NEDD4: variants seen among roughly 807,000 people sequenced by gnomAD.
NEDD4 encodes the protein NEDD4 E3 ubiquitin protein ligase, also known as E3 ubiquitin-protein ligase NEDD4.
In NEDD4, 99 loss-of-function variants were observed where a neutral mutation model predicts 144.9. The observed-to-expected ratio is 0.68, with a 90% CI of 0.58 to 0.81. NEDD4 has a LOEUF of 0.81. Among genes scored for constraint, NEDD4 ranks in the 30% least tolerant of loss-of-function variants. The probability of loss-of-function intolerance (pLI) is 0.00; values close to 1 mark genes in which losing one functional copy is unlikely to be tolerated. For missense variants in NEDD4, 985 were observed against 1,065.9 expected (o/e 0.92, Z 1.06); for synonymous variants, 318 against 350.6 (o/e 0.91, Z 1.04).
rs376503322 is a variant in NEDD4 at position 55,830,597 on chromosome 15, G to C, written c.2528-11C>G. ...GTGGTCCATTTGAACCTATAAGGAA[G>C]AATTTATTTGGTTTCATTTACTCTC... On this transcript the variant is annotated splice_polypyrimidine_tract_variant and intron_variant, in intron 27 of 28. Coordinates refer to ENST00000435532, the MANE Select transcript of NEDD4 (RefSeq NM_006154.4). 7 of 1,612,784 alleles carry C rather than the reference G, an allele frequency of 4.3e-6. No homozygotes were observed. Among genetic ancestry groups the C allele is most frequent in the Non-Finnish European group, 5.9e-6 (7 of 1,178,814 alleles).
chr15:55,897,035 A>G (rs2035760117), intron 5 of NEDD4, among the ~76,000 whole-genome samples: 1 of 152,056 alleles, frequency 6.6e-6, no homozygotes, highest in Non-Finnish European at 1.5e-5. Flanking sequence ...GTGCAGTGGC[A>G]CAATCTTGGC....
At chr15:55,953,281 G>A (rs1020302542) in intron 2 of NEDD4, among the ~76,000 whole-genome samples, 5 of 151,836 alleles carry the variant, frequency 3.3e-5, no homozygotes, top group African/African-American at 1.2e-4. Flanking sequence ...GAGCCATAGC[G>A]CTGAGCCCGT....
intron 2 of NEDD4, among the ~76,000 whole-genome samples, chr15:55,961,596 G>A (rs983626960): frequency 3.3e-5 from 5 of 151,894 alleles, no homozygotes; most frequent in East Asian, 1.9e-4. Flanking sequence ...TCAGCCTCCC[G>A]AGCAGCTGGG....
chr15:55,913,383 C>G (rs1037271339), intron 5 of NEDD4, among the ~76,000 whole-genome samples: 23 of 151,960 alleles, frequency 1.5e-4, no homozygotes, highest in Admixed American at 6.5e-5. Flanking sequence ...GTTGCCACTG[C>G]TATATTTAGA....
At chr15:55,851,072 G>T (rs1333520043) in intron 13 of NEDD4, among the ~76,000 whole-genome samples, 1 of 152,144 alleles carries the variant, frequency 6.6e-6, no homozygotes, top group African/African-American at 2.4e-5. Context: ...AGCGAGGTCT[G>T]CAAGCTCAAG....
chr15:55,976,302 G>C (rs1227106664), intron 1 of NEDD4, among the ~76,000 whole-genome samples: 1 of 151,988 alleles, frequency 6.6e-6, no homozygotes, highest in Non-Finnish European at 1.5e-5. Context: ...CCACAGAATG[G>C]GAGAAAATAT....
At chr15:55,915,506 T>G (rs200608517) in intron 5 of NEDD4, 8 of 1,613,742 alleles carry the variant, frequency 5.0e-6, no homozygotes, top group Admixed American at 1.7e-5. Flanking sequence ...TCTGTGAATG[T>G]GGTCTTTCCA....
At chr15:55,835,348 ACT>A (rs1276002533) in intron 24 of NEDD4, among the ~76,000 whole-genome samples, 2 of 149,830 alleles carry the variant, frequency 1.3e-5, no homozygotes, top group African/African-American at 4.9e-5. Flanking sequence ...TTCTATTGAA[ACT>A]CTGTCTACTC....
At chr15:55,879,231 A>C (rs1426542762) in intron 5 of NEDD4, among the ~76,000 whole-genome samples, 1 of 152,248 alleles carries the variant, frequency 6.6e-6, no homozygotes, top group African/African-American at 2.4e-5. Context: ...AGTAGATGAC[A>C]GCAGAGAGAT....
chr15:55,930,547 A>G (rs1165384576), intron 4 of NEDD4, among the ~76,000 whole-genome samples: 1 of 152,236 alleles, frequency 6.6e-6, no homozygotes, highest in East Asian at 1.9e-4. Flanking sequence ...ATTATTGAAG[A>G]AATTATTCAC....
chr15:55,860,361 A>T (rs751277402), intron 11 of NEDD4, 46 bp downstream of exon 11: 2 of 1,583,394 alleles, frequency 1.3e-6, no homozygotes, highest in Middle Eastern at 1.7e-4. Flanking sequence ...TATAATATGC[A>T]TAATATAAAC....
At chr15:55,916,189 T>C in intron 5 of NEDD4, 5 of 1,614,016 alleles carry the variant, frequency 3.1e-6, no homozygotes, top group Non-Finnish European at 4.2e-6. Context: ...TTTGGCACAC[T>C]TCTATTGGAG....
intron 18 of NEDD4, among the ~76,000 whole-genome samples, chr15:55,844,513 G>C (rs549625775): frequency 2.6e-5 from 4 of 152,252 alleles, no homozygotes; most frequent in South Asian, 4.2e-4. Context: ...TAGTAGACAA[G>C]TGCATGCATT....
chr15:55,972,862 T>C (rs1252354939), intron 1 of NEDD4, among the ~76,000 whole-genome samples: 3 of 151,806 alleles, frequency 2.0e-5, no homozygotes, highest in Non-Finnish European at 2.9e-5. Context: ...TAGATTTCAA[T>C]ACAAAAACTA....
chr15:55,988,849 T>C (rs62045230), intron 1 of NEDD4, among the ~76,000 whole-genome samples: 9,410 of 152,264 alleles, frequency 0.062, 406 homozygotes, highest in Middle Eastern at 0.14. Context: ...GATGGAACAA[T>C]TGCAGTGAAA....
chr15:55,849,536 C>A (rs2033893946), intron 14 of NEDD4, among the ~76,000 whole-genome samples: 1 of 151,980 alleles, frequency 6.6e-6, no homozygotes, highest in Non-Finnish European at 1.5e-5. Flanking sequence ...ATTTCTAAGC[C>A]CCAGAACATG....
At chr15:55,855,715 G>T (rs370529041) in intron 12 of NEDD4, among the ~76,000 whole-genome samples, 2 of 152,222 alleles carry the variant, frequency 1.3e-5, no homozygotes, top group South Asian at 2.1e-4. Context: ...CCTGGCTGCC[G>T]GGCATGTGAA....
intron 5 of NEDD4, among the ~76,000 whole-genome samples, chr15:55,895,592 C>T (rs559423071): frequency 6.6e-6 from 1 of 152,322 alleles, no homozygotes; most frequent in East Asian, 1.9e-4. Flanking sequence ...GTGTTAAAAT[C>T]ACCTGATAGG....
intron 5 of NEDD4, among the ~76,000 whole-genome samples, chr15:55,918,731 A>G (rs17819300): frequency 0.078 from 11,823 of 152,260 alleles, 568 homozygotes; most frequent in Middle Eastern, 0.16. Context: ...TTGAATGCGT[A>G]CAATAGTTGA....
Sources: gnomAD v4.1 joint callset for allele counts (sites outside exome capture counted in the v4.1 genomes callset) on GRCh38, gnomAD v4.1.1 for gene constraint, MANE v1.5 for transcripts, NCBI Gene and HGNC (gene_info 2026-07-23, HGNC 2026-07-21) for gene names.